IGDCC4: variants seen among roughly 807,000 people sequenced by gnomAD.
IGDCC4 encodes likely ortholog of mouse neighbor of Punc E11.
In IGDCC4, 72 loss-of-function variants were observed where a neutral mutation model predicts 116.6. That is an observed-to-expected ratio of 0.62 (90% CI 0.51 to 0.75). IGDCC4 has a LOEUF of 0.75. Among genes scored for constraint, IGDCC4 ranks in the 30% least tolerant of loss-of-function variants. IGDCC4 has a pLI of 0.00. For synonymous variants in IGDCC4, 709 were observed against 719.9 expected (o/e 0.98, Z 0.24); for missense variants, 1,501 against 1,662.4 (o/e 0.90, Z 1.69).
chr15:65,410,133 T>TC (rs561040216), intron 3 of IGDCC4, 45 bp downstream of exon 3: 164 of 1,607,360 alleles, frequency 1.0e-4, no homozygotes, highest in Admixed American at 2.3e-4. Context: ...CCCAGAGCCC[T>TC]CTCTGCCCTG....
intron 3 of IGDCC4, 23 bp downstream of exon 3, chr15:65,410,155 C>G: frequency 6.2e-7 from 1 of 1,611,156 alleles, no homozygotes; most frequent in South Asian, 1.1e-5. Flanking sequence ...CTACCAGGAC[C>G]CGCTCCCCTA....
At position 65,384,506 on chromosome 15, in the gene IGDCC4, G is replaced by T; in HGVS notation, c.3343-87C>A. 1 of 1,320,032 alleles carries T rather than the reference G, an allele frequency of 7.6e-7. No individual in the cohort carries two copies. The highest frequency in any genetic ancestry group is 1.6e-5 in the South Asian group (1 of 63,050). 81.8% of individuals were successfully genotyped at this position (1,320,032 alleles called of 1,614,324 possible). On this transcript the variant is annotated intron_variant, in intron 19 of 19. Transcript: ENST00000352385. This position sits in a 1 kb window ranked among gnomAD's most constrained non-coding sequence, Gnocchi z 4.9. ...CCAGCGTACGTGGGGCAGAAAGTCT[G>T]ACCCTCCATCAGAGTAAGTATCACA...
chr15:65,396,714 T>G (rs2062930671), intron 6 of IGDCC4, 120 bp downstream of exon 6: 3 of 1,277,642 alleles, frequency 2.3e-6, no homozygotes, highest in Non-Finnish European at 3.2e-6. Flanking sequence ...GACTCCTCCC[T>G]GAGTTCGTCC....
At chr15:65,407,920 C>A (rs1035602104) in intron 3 of IGDCC4, among the ~76,000 whole-genome samples, 6 of 152,018 alleles carry the variant, frequency 3.9e-5, no homozygotes, top group Admixed American at 3.3e-4. Context: ...AGGCGTGAGC[C>A]ACCGCGCCCG....
rs760588383 is a variant in IGDCC4 at position 65,392,184 on chromosome 15, C to A, written c.2072G>T (p.Gly691Val). 1.2e-6 allele frequency: 2 copies of A among 1,613,722 alleles called. No homozygotes were observed. The highest frequency in any genetic ancestry group is 1.7e-5 in the Admixed American group (1 of 59,968). Residue 691 changes from glycine to valine, a missense_variant, in exon 11 of 20, where the codon GGG becomes GTG. This residue lies in a region of IGDCC4 where 898 missense variants were observed against 978.9 expected (regional missense o/e 0.92). Coordinates refer to ENST00000352385, the MANE Select transcript of IGDCC4 (RefSeq NM_020962.3). ...GGRGDQAWDV[G>V]PVRLKKKVKQ... is the part of the protein sequence containing the mutation. ...CACTTTCTTCTTGAGCCGGACAGGC[C>A]CCACATCCCAAGCCTGGTCTCCACG...
intron 5 of IGDCC4, 147 bp from the exon 6 acceptor site, chr15:65,397,136 C>G (rs1405537901): frequency 9.7e-7 from 1 of 1,028,022 alleles, no homozygotes; most frequent in Non-Finnish European, 1.4e-6. Flanking sequence ...TGCTGGGACT[C>G]TCTGAGCCCG....
chr15:65,388,644 G>C, intron 15 of IGDCC4, 58 bp from the exon 16 acceptor site: 1 of 1,610,690 alleles, frequency 6.2e-7, no homozygotes, highest in Non-Finnish European at 8.5e-7. Flanking sequence ...TGGATGCAGA[G>C]GTGGGCAGGG....
In IGDCC4 at chr15:65,388,839, A is replaced by G; in HGVS notation, c.2676T>C (p.Pro892=). The part of the protein sequence containing the change: ...LILYSSNHTQ[P]EHQWTLLTTQ... Reference sequence around the variant, plus strand: ...TGGTGAGCAAGGTCCACTGGTGCTCAGGCTGCGTGTGGTTGCTGCTGTACA... The same window carrying G: ...TGGTGAGCAAGGTCCACTGGTGCTCGGGCTGCGTGTGGTTGCTGCTGTACA... Residue 892 remains proline (P), a synonymous_variant, in exon 15 of 20, where the codon CCT becomes CCC. Transcript: ENST00000352385. 1 of 1,614,072 alleles carries G rather than the reference A, an allele frequency of 6.2e-7. No individual in the cohort carries two copies. The highest frequency in any genetic ancestry group is 8.5e-7 in the Non-Finnish European group (1 of 1,180,046).
chr15:65,398,892 A>AAAAAC (rs555801776), intron 5 of IGDCC4, among the ~76,000 whole-genome samples: 6 of 152,180 alleles, frequency 3.9e-5, no homozygotes, highest in Non-Finnish European at 8.8e-5. Flanking sequence ...TCTGTCTCAA[A>AAAAAC]AAAACAAAAC....
intron 12 of IGDCC4, among the ~76,000 whole-genome samples, chr15:65,390,999 A>C (rs2091508926): frequency 6.6e-6 from 1 of 152,158 alleles, no homozygotes; most frequent in Non-Finnish European, 1.5e-5. Flanking sequence ...TTGGGAGGCC[A>C]AGATGGGTGG....
At chr15:65,402,273 C>T in intron 4 of IGDCC4, 78 bp downstream of exon 4, 1 of 1,492,346 alleles carries the variant, frequency 6.7e-7, no homozygotes, top group Non-Finnish European at 9.0e-7. Flanking sequence ...AAGGCCTGGA[C>T]CCCTTGAGGT....
chr15:65,417,862 C>G (rs563614365), intron 1 of IGDCC4, among the ~76,000 whole-genome samples: 19 of 152,282 alleles, frequency 1.2e-4, no homozygotes, highest in African/African-American at 4.6e-4. Context: ...TCCCAAAGTG[C>G]TGGGATTACA....
rs2091405470 is a variant in IGDCC4, at chr15:65,382,091, C to CT, written c.*1917dup. 6.7e-6 allele frequency: 1 copy of CT among 149,362 alleles called. No homozygotes were observed. Among genetic ancestry groups the CT allele is most frequent in the African/African-American group, 2.5e-5 (1 of 40,110 alleles). The allele number at this position is 149,362 out of a possible 1,614,324, so 9.3% of individuals were successfully genotyped here. On this transcript the variant is annotated 3_prime_UTR_variant, in exon 20 of 20. Transcript: ENST00000352385. ...TAATTCAGGGCAGTTTTTTTTTCTT[C>CT]TTTAAAAAAAAAAAATCAAACCAGC...
Position 65,400,675 on chromosome 15 carries a change from AAGG to A in IGDCC4, c.841+128_841+130del. 4.4e-6 allele frequency: 5 copies of A among 1,131,862 alleles called. 1 individual carries two copies. The South Asian group carries it at 8.0e-5, about 18-fold the overall frequency. 70.1% of individuals were successfully genotyped at this position (1,131,862 alleles called of 1,614,324 possible). A position where few individuals can be genotyped will look rare whatever the true frequency, so the allele number is the denominator to read the frequency against. On this transcript the variant is annotated intron_variant, in intron 5 of 19. Coordinates refer to ENST00000352385, the MANE Select transcript of IGDCC4 (RefSeq NM_020962.3). ...TTGACCACCACACCCAGCCCTGGGA[AAGG>A]AGTTCGTGCCACACCAGAAGGTTCG...
At chr15:65,406,372 T>C (rs2063041200) in intron 3 of IGDCC4, among the ~76,000 whole-genome samples, 2 of 152,212 alleles carry the variant, frequency 1.3e-5, no homozygotes, top group Admixed American at 6.5e-5. Flanking sequence ...GGTTTTTGAA[T>C]ACCTGGGATT....
chr15:65,388,891 T>C lies in IGDCC4; in HGVS notation c.2624A>G (p.Asn875Ser), dbSNP rs2091486654. Residue 875 changes from asparagine to serine, a missense_variant, in exon 15 of 20, where the codon AAC becomes AGC. Asn to Ser is a conservative substitution (Grantham distance 46). Coordinates refer to ENST00000352385, the MANE Select transcript of IGDCC4 (RefSeq NM_020962.3). ...RLHWCPPTEP[N>S]GEIVEYLILY... ...GATCAGATACTCCACGATCTCCCCG[T>C]TGGGCTCTGTGGGGGGGCACCAGTG... is the stretch of plus-strand genomic sequence containing the variant. The C allele has an allele frequency of 1.9e-6, 3 of 1,613,896 alleles. No individual in the cohort carries two copies. The highest frequency in any genetic ancestry group is 2.5e-6 in the Non-Finnish European group (3 of 1,179,990).
chr15:65,387,707 C>T (rs1179336913), intron 16 of IGDCC4, among the ~76,000 whole-genome samples: 1 of 152,094 alleles, frequency 6.6e-6, no homozygotes, highest in African/African-American at 2.4e-5. Context: ...CTGCACTGGG[C>T]CCTGGAAATT....
At position 65,390,146 on chromosome 15, in the gene IGDCC4, A is replaced by G. The variant is rs1414450355; in HGVS notation, c.2408+9T>C. 6.4e-7 allele frequency: 1 copy of G among 1,564,494 alleles called. No homozygotes were observed. Among genetic ancestry groups the G allele is most frequent in the South Asian group, 1.2e-5 (1 of 86,030 alleles). On this transcript the variant is annotated intron_variant, in intron 13 of 19. Transcript: ENST00000352385. ...CCTTCTTTACATTAGTAAAGGCATT[A>G]GTCCCCACCTGGTGTAATAGGTGAC... is the stretch of plus-strand genomic sequence containing the variant.
intron 16 of IGDCC4, among the ~76,000 whole-genome samples, chr15:65,387,504 A>G (rs545241355): frequency 4.6e-5 from 7 of 151,584 alleles, no homozygotes; most frequent in Non-Finnish European, 7.4e-5. Flanking sequence ...ATCCACCACC[A>G]CGCCCAGCTA....
Sources: allele counts gnomAD v4.1 joint callset (sites outside exome capture counted in the v4.1 genomes callset), GRCh38; gene constraint gnomAD v4.1.1; regional missense constraint gnomAD v4.1.1; non-coding constraint Gnocchi (gnomAD v3.1); transcripts MANE v1.5; gene names NCBI Gene and HGNC (gene_info 2026-07-23, HGNC 2026-07-21).